The following REDIC1 variants were observed in gnomAD, a reference collection of about 807,000 sequenced individuals.
REDIC1 encodes regulator of DNA class I crossover intermediates 1.
the REDIC1 span, among the ~76,000 whole-genome samples, chr12:39,640,567 G>A: frequency 6.6e-6 from 1 of 151,828 alleles, no homozygotes; most frequent in Non-Finnish European, 1.5e-5. Context: ...TCTGTTCTCT[G>A]TAGATTTCAG....
chr12:39,874,886 A>G, the REDIC1 span, among the ~76,000 whole-genome samples: 4 of 152,228 alleles, frequency 2.6e-5, no homozygotes, highest in Admixed American at 2.6e-4. Context: ...AAATCATTAT[A>G]CTGGCAACAG....
At chr12:39,709,134 C>T in the REDIC1 span, among the ~76,000 whole-genome samples, 1 of 151,462 alleles carries the variant, frequency 6.6e-6, no homozygotes, top group African/African-American at 2.4e-5. Context: ...CTTTCTGATA[C>T]CCAAACACAC....
the REDIC1 span, among the ~76,000 whole-genome samples, chr12:39,770,993 C>T: frequency 4.9e-3 from 740 of 152,238 alleles, 7 homozygotes; most frequent in Non-Finnish European, 4.2e-3. Flanking sequence ...TTTCCTGGTA[C>T]CTACCTCAAA....
the REDIC1 span, among the ~76,000 whole-genome samples, chr12:39,811,176 A>G: frequency 6.6e-6 from 1 of 152,076 alleles, no homozygotes; most frequent in South Asian, 2.1e-4. Context: ...TTTAATTATA[A>G]TAATAGAAAG....
chr12:39,670,814 T>C, the REDIC1 span, among the ~76,000 whole-genome samples: 1 of 152,052 alleles, frequency 6.6e-6, no homozygotes, highest in Non-Finnish European at 1.5e-5. Context: ...GAAACTCTTC[T>C]GTTTGATCTA....
At chr12:39,795,151 A>T in the REDIC1 span, among the ~76,000 whole-genome samples, 1 of 151,768 alleles carries the variant, frequency 6.6e-6, no homozygotes, top group East Asian at 1.9e-4. Context: ...GAGTACGCTA[A>T]ACTTATTATC....
the REDIC1 span, among the ~76,000 whole-genome samples, chr12:39,676,136 T>C: frequency 6.6e-6 from 1 of 151,932 alleles, no homozygotes; most frequent in Non-Finnish European, 1.5e-5. Context: ...TTCAGAAGGT[T>C]GATTAATATA....
chr12:39,871,147 A>G, the REDIC1 span, among the ~76,000 whole-genome samples: 1 of 152,202 alleles, frequency 6.6e-6, no homozygotes, highest in African/African-American at 2.4e-5. Flanking sequence ...GTCTCATTCT[A>G]TCAATGAAAC....
At chr12:39,764,920 A>G in the REDIC1 span, 119 of 1,553,156 alleles carry the variant, frequency 7.7e-5, 1 homozygote, top group African/African-American at 1.2e-3. Context: ...CAGAAATTCA[A>G]TATGATCATA....
the REDIC1 span, chr12:39,626,209 A>T: frequency 5.2e-6 from 5 of 958,852 alleles, no homozygotes; most frequent in Admixed American, 9.1e-5. Flanking sequence ...GGTGGACCAG[A>T]AGGAGCTTAC....
At chr12:39,789,513 A>G in the REDIC1 span, among the ~76,000 whole-genome samples, 2 of 152,172 alleles carry the variant, frequency 1.3e-5, no homozygotes, top group Non-Finnish European at 2.9e-5. Flanking sequence ...TATTTTTAAC[A>G]TATCTCCAGG....
the REDIC1 span, among the ~76,000 whole-genome samples, chr12:39,833,120 C>G: frequency 6.6e-6 from 1 of 152,092 alleles, no homozygotes; most frequent in South Asian, 2.1e-4. Flanking sequence ...TGAGAAAAAT[C>G]TGGCGTACCA....
At chr12:39,895,216 C>T in the REDIC1 span, among the ~76,000 whole-genome samples, 1 of 151,864 alleles carries the variant, frequency 6.6e-6, no homozygotes, top group Admixed American at 6.6e-5. Flanking sequence ...AAATGTACCT[C>T]AGGATGTAAC....
At chr12:39,681,058 A>G in the REDIC1 span, among the ~76,000 whole-genome samples, 120,545 of 152,074 alleles carry the variant, frequency 0.79, 48,504 homozygotes, top group Non-Finnish European at 0.87. Flanking sequence ...GATCACCTGA[A>G]GTCAGGAGTT....
chr12:39,749,206 A>AAAT, the REDIC1 span, among the ~76,000 whole-genome samples: 1 of 152,196 alleles, frequency 6.6e-6, no homozygotes, highest in Admixed American at 6.5e-5. Context: ...GAGAAGAATC[A>AAAT]AATAGACACA....
chr12:39,802,856 TGAATAA>T, the REDIC1 span, among the ~76,000 whole-genome samples: 1 of 152,114 alleles, frequency 6.6e-6, no homozygotes, highest in Non-Finnish European at 1.5e-5. Flanking sequence ...GAGATTTCAA[TGAATAA>T]TCTAGGAACC....
the REDIC1 span, chr12:39,683,004 G>A: frequency 1.5e-4 from 250 of 1,612,990 alleles, no homozygotes; most frequent in East Asian, 1.7e-3. Context: ...TTAGTAATTC[G>A]ACTTTGAATA....
chr12:39,656,156 A>G, the REDIC1 span, among the ~76,000 whole-genome samples: 1 of 152,182 alleles, frequency 6.6e-6, no homozygotes. Flanking sequence ...CTTTTCTTGT[A>G]ATATCTTAGT....
At chr12:39,724,912 C>T in the REDIC1 span, among the ~76,000 whole-genome samples, 2 of 151,772 alleles carry the variant, frequency 1.3e-5, no homozygotes, top group East Asian at 1.9e-4. Flanking sequence ...GAAGTATCAA[C>T]AGTATAGGAG....
Sources: allele counts gnomAD v4.1 joint callset (sites outside exome capture counted in the v4.1 genomes callset), GRCh38; gene constraint gnomAD v4.1.1; transcripts MANE v1.5; gene names NCBI Gene and HGNC (gene_info 2026-07-23, HGNC 2026-07-21).